Variants in THSD4 observed in about 807,000 individuals in gnomAD.
THSD4 encodes thrombospondin type 1 domain containing 4.
In THSD4, 69 loss-of-function variants were observed where a neutral mutation model predicts 119.0. The observed-to-expected ratio is 0.58, with a 90% CI of 0.48 to 0.71. The LOEUF (loss-of-function observed/expected upper bound fraction) is 0.71, where lower values mean the gene tolerates loss of function less well. Among genes scored for constraint, THSD4 ranks in the 30% least tolerant of loss-of-function variants. THSD4 has a pLI of 0.00. For synonymous variants in THSD4, 524 were observed against 540.4 expected (o/e 0.97, Z 0.42); for missense variants, 1,393 against 1,391.1 (o/e 1.00, Z -0.02).
At chr15:71,350,199 T>C (rs575243274) in intron 6 of THSD4, among the ~76,000 whole-genome samples, 2 of 151,180 alleles carry the variant, frequency 1.3e-5, no homozygotes, top group South Asian at 4.2e-4. Context: ...GATATATTAA[T>C]GTAAACTTCA....
At chr15:71,760,119 T>C (rs904593753) in intron 15 of THSD4, among the ~76,000 whole-genome samples, 1 of 152,174 alleles carries the variant, frequency 6.6e-6, no homozygotes, top group African/African-American at 2.4e-5. Context: ...TGAAAGTTGG[T>C]ATTTCGAATA....
chr15:71,430,087 CT>C (rs1342763676), intron 7 of THSD4, among the ~76,000 whole-genome samples: 1 of 151,388 alleles, frequency 6.6e-6, no homozygotes, highest in African/African-American at 2.4e-5. Context: ...CAAATATAAG[CT>C]GTTGTGGTGA....
intron 8 of THSD4, among the ~76,000 whole-genome samples, chr15:71,662,883 G>T (rs1339529236): frequency 6.6e-6 from 1 of 152,038 alleles, no homozygotes; most frequent in Non-Finnish European, 1.5e-5. Context: ...TGTCAGTTTT[G>T]ATTCCATCAA....
At chr15:71,722,669 G>T (rs753483294) in intron 8 of THSD4, among the ~76,000 whole-genome samples, 1 of 152,108 alleles carries the variant, frequency 6.6e-6, no homozygotes, top group Non-Finnish European at 1.5e-5. Flanking sequence ...GATTCAAAAT[G>T]TTTAAACTTT....
At chr15:71,341,455 C>G in intron 6 of THSD4, 3 of 1,613,222 alleles carry the variant, frequency 1.9e-6, no homozygotes, top group Non-Finnish European at 2.5e-6. Context: ...ATTCAGCACT[C>G]TTTTTGGGCC....
Position 71,722,880 on chromosome 15 carries a change from T to C in THSD4, c.1358-5669T>C, listed in dbSNP as rs558195034. 1.3e-3 allele frequency among the ~76,000 whole-genome samples: 197 copies of C among 152,300 alleles called. 1 individual carries two copies. Among genetic ancestry groups the C allele is most frequent in the Non-Finnish European group, 2.2e-3 (151 of 68,040 alleles). On this transcript the variant is annotated intron_variant, in intron 8 of 17. Coordinates refer to ENST00000261862, the MANE Select transcript of THSD4 (RefSeq NM_024817.3). ...CTGTCTATGCTTTTATTTAAAAGTG[T>C]GCACAAACGGGATTATACCAAACAC...
At chr15:71,339,659 C>G (rs2045537932) in intron 6 of THSD4, among the ~76,000 whole-genome samples, 2 of 152,108 alleles carry the variant, frequency 1.3e-5, no homozygotes, top group South Asian at 4.1e-4. Flanking sequence ...CCCTGTGCCT[C>G]AGTTTCCTAA....
At chr15:71,718,764 A>G (rs1595887671) in intron 8 of THSD4, among the ~76,000 whole-genome samples, 1 of 151,668 alleles carries the variant, frequency 6.6e-6, no homozygotes, top group Admixed American at 6.6e-5. Context: ...AAGACCCCCA[A>G]TGCCCTTCCT....
intron 3 of THSD4, among the ~76,000 whole-genome samples, chr15:71,206,698 T>C (rs989098148): frequency 6.6e-6 from 1 of 152,200 alleles, no homozygotes; most frequent in Non-Finnish European, 1.5e-5. Context: ...TTGAGAGCTG[T>C]TCTGGTTATG....
intron 7 of THSD4, among the ~76,000 whole-genome samples, chr15:71,519,199 C>T (rs1400113865): frequency 6.6e-6 from 1 of 151,940 alleles, no homozygotes; most frequent in African/African-American, 2.4e-5. Flanking sequence ...GATTGAGTGC[C>T]ATGTCTTTCA....
At chr15:71,284,022 C>T (rs950085629) in intron 6 of THSD4, among the ~76,000 whole-genome samples, 1 of 152,098 alleles carries the variant, frequency 6.6e-6, no homozygotes, top group African/African-American at 2.4e-5. Context: ...ATGTCAGTAC[C>T]ATCATATTCT....
At chr15:71,367,616 T>C (rs530137631) in intron 6 of THSD4, among the ~76,000 whole-genome samples, 14 of 152,226 alleles carry the variant, frequency 9.2e-5, no homozygotes, top group African/African-American at 2.9e-4. Context: ...CATGAACTTA[T>C]CCTTTTTTGT....
intron 7 of THSD4, among the ~76,000 whole-genome samples, chr15:71,565,404 C>G (rs2049214839): frequency 6.6e-6 from 1 of 152,188 alleles, no homozygotes; most frequent in Non-Finnish European, 1.5e-5. Context: ...AGGATTCAGA[C>G]CATCATCTCT....
intron 3 of THSD4, among the ~76,000 whole-genome samples, chr15:71,207,490 T>C (rs998579507): frequency 4.6e-5 from 7 of 152,248 alleles, no homozygotes; most frequent in Non-Finnish European, 8.8e-5. Context: ...TTTCACATTA[T>C]CTTGATTACC....
At chr15:71,349,867 G>A (rs2045720865) in intron 6 of THSD4, among the ~76,000 whole-genome samples, 1 of 152,078 alleles carries the variant, frequency 6.6e-6, no homozygotes. Context: ...GGAAGGGGGA[G>A]CTGAAACACA....
intron 10 of THSD4, chr15:71,733,931 A>T (rs1314911794): frequency 1.0e-4 from 15 of 147,498 alleles, no homozygotes; most frequent in African/African-American, 3.7e-4. Context: ...AAAAAAAAAA[A>T]AATTGCTGAG....
chr15:71,132,614 T>G (rs1567133944), intron 1 of THSD4, among the ~76,000 whole-genome samples: 1 of 152,236 alleles, frequency 6.6e-6, no homozygotes. Flanking sequence ...AGTTTCAAAC[T>G]TTCCTTAATA....
intron 6 of THSD4, among the ~76,000 whole-genome samples, chr15:71,317,744 G>A (rs1266573884): frequency 6.6e-6 from 1 of 152,140 alleles, no homozygotes; most frequent in Non-Finnish European, 1.5e-5. Flanking sequence ...GACTGGGAAT[G>A]GTCTGGCTTC....
intron 7 of THSD4, among the ~76,000 whole-genome samples, chr15:71,448,127 C>T (rs140577502): frequency 6.6e-6 from 1 of 152,314 alleles, no homozygotes; most frequent in African/African-American, 2.4e-5. Flanking sequence ...TACTCTATTT[C>T]TTGTTCTGTC....
Sources: gnomAD v4.1 joint callset for allele counts (sites outside exome capture counted in the v4.1 genomes callset) on GRCh38, gnomAD v4.1.1 for gene constraint, MANE v1.5 for transcripts, NCBI Gene and HGNC (gene_info 2026-07-23, HGNC 2026-07-21) for gene names.